Variants in FGF7 observed in about 807,000 individuals in gnomAD.
The protein encoded by FGF7 is FGF-7.
Under a neutral mutation model 20.5 loss-of-function variants are expected in FGF7, and 6 were observed. That is an observed-to-expected ratio of 0.29 (90% CI 0.16 to 0.58). The LOEUF (loss-of-function observed/expected upper bound fraction) is 0.58, where lower values mean the gene tolerates loss of function less well. Ranked by LOEUF, FGF7 falls within the 20% of genes least tolerant of loss-of-function variation. The pLI is 0.90. For missense variants in FGF7, 144 were observed against 228.8 expected (o/e 0.63, Z 2.39); for synonymous variants, 64 against 74.7 (o/e 0.86, Z 0.74).
At chr15:49,474,809 A>G (rs550627431) in intron 2 of FGF7, among the ~76,000 whole-genome samples, 6 of 152,248 alleles carry the variant, frequency 3.9e-5, no homozygotes, top group African/African-American at 1.4e-4. Context: ...CCAGGGATCT[A>G]GGTTGCGTGC....
intron 2 of FGF7, among the ~76,000 whole-genome samples, chr15:49,426,224 A>G (rs1398282583): frequency 6.6e-6 from 1 of 151,852 alleles, no homozygotes; most frequent in East Asian, 1.9e-4. Flanking sequence ...TTTCCATGAT[A>G]CTTTCCAGTT....
chr15:49,435,677 A>T (rs188875735), intron 2 of FGF7, among the ~76,000 whole-genome samples: 31 of 151,690 alleles, frequency 2.0e-4, no homozygotes, highest in Admixed American at 1.8e-3. Flanking sequence ...GATATTGAAT[A>T]ATAATAGATA....
chr15:49,447,046 A>G (rs1374181536), intron 2 of FGF7, among the ~76,000 whole-genome samples: 1 of 151,522 alleles, frequency 6.6e-6, no homozygotes, highest in Non-Finnish European at 1.5e-5. Flanking sequence ...GAATAAATGG[A>G]CTGTGATTCT....
intron 2 of FGF7, among the ~76,000 whole-genome samples, chr15:49,468,308 G>A (rs1370749924): frequency 6.6e-6 from 1 of 152,100 alleles, no homozygotes; most frequent in Non-Finnish European, 1.5e-5. Context: ...CTTGATACCA[G>A]CAATTATGCA....
At position 49,486,923 on chromosome 15, in the gene FGF7, A is replaced by AT. The variant is rs1286276889; in HGVS notation, c.*2421dup. On this transcript the variant is annotated 3_prime_UTR_variant, in exon 4 of 4. Coordinates refer to ENST00000267843, the MANE Select transcript of FGF7 (RefSeq NM_002009.4). ...CTCTTACTCATTTGTAGTCTAGGAA[A>AT]TTGAGATTTTGATACACCTAAGGTC... 2 of 151,968 alleles carry AT rather than the reference A, an allele frequency of 1.3e-5. No individual in the cohort carries two copies. Among genetic ancestry groups the AT allele is most frequent in the Non-Finnish European group, 2.9e-5 (2 of 67,916 alleles). The allele number at this position is 151,968 out of a possible 1,614,324, so 9.4% of individuals were successfully genotyped here.
intron 2 of FGF7, among the ~76,000 whole-genome samples, chr15:49,440,040 A>C (rs1222714067): frequency 6.6e-6 from 1 of 151,738 alleles, no homozygotes; most frequent in East Asian, 1.9e-4. Context: ...AGAAGCACTG[A>C]TCTAGTCTAT....
chr15:49,450,524 G>T (rs1391825102), intron 2 of FGF7, among the ~76,000 whole-genome samples: 3 of 152,056 alleles, frequency 2.0e-5, no homozygotes, highest in African/African-American at 7.2e-5. Context: ...AGCTCAATGT[G>T]TAAACTTTCT....
chr15:49,475,397 TC>T (rs1313182218), intron 2 of FGF7, among the ~76,000 whole-genome samples: 2 of 152,204 alleles, frequency 1.3e-5, no homozygotes, highest in Non-Finnish European at 2.9e-5. Context: ...ACCAGGGTAG[TC>T]CTTTGAAAAG....
intron 2 of FGF7, among the ~76,000 whole-genome samples, chr15:49,466,520 T>A (rs1170898807): frequency 5.9e-5 from 9 of 152,170 alleles, no homozygotes; most frequent in Admixed American, 5.9e-4. Flanking sequence ...TTTTGTTTGC[T>A]TTTGTTTTTA....
Position 49,472,007 on chromosome 15 carries a change from T to C in FGF7, c.287-11144T>C, listed in dbSNP as rs1299644234. 1.7e-4 allele frequency among the ~76,000 whole-genome samples: 17 copies of C among 100,734 alleles called. No individual in the cohort carries two copies. The Admixed American group carries it at 2.1e-3, about 12-fold the overall frequency. The allele number at this position is 100,734 out of a possible 152,430, so 66.1% of individuals were successfully genotyped here. On this transcript the variant is annotated intron_variant, in intron 2 of 3. Coordinates refer to ENST00000267843, the MANE Select transcript of FGF7 (RefSeq NM_002009.4). ...CATTTTTTCTTCTAGTTTTATCTCATGACTTTAGAAGTGAAAAAAAAAAAA... is the reference window on the plus strand; with the variant it reads ...CATTTTTTCTTCTAGTTTTATCTCACGACTTTAGAAGTGAAAAAAAAAAAA...
At chr15:49,450,746 T>G (rs1036414372) in intron 2 of FGF7, among the ~76,000 whole-genome samples, 2 of 151,814 alleles carry the variant, frequency 1.3e-5, no homozygotes, top group African/African-American at 4.8e-5. Flanking sequence ...TTAACAAAAC[T>G]AATAACACTG....
At chr15:49,465,538 G>A (rs1204681652) in intron 2 of FGF7, among the ~76,000 whole-genome samples, 1 of 152,022 alleles carries the variant, frequency 6.6e-6, no homozygotes, top group East Asian at 1.9e-4. Flanking sequence ...CATAATATGA[G>A]TGTTGCATGT....
chr15:49,474,058 CTTT>C (rs1473520258), intron 2 of FGF7, among the ~76,000 whole-genome samples: 1 of 151,954 alleles, frequency 6.6e-6, no homozygotes, highest in African/African-American at 2.4e-5. Context: ...GATAGGCGAA[CTTT>C]TTATTATATT....
At chr15:49,427,334 T>A (rs1852506455) in intron 2 of FGF7, among the ~76,000 whole-genome samples, 1 of 152,056 alleles carries the variant, frequency 6.6e-6, no homozygotes, top group Non-Finnish European at 1.5e-5. Context: ...AATGAAAGAA[T>A]GTTTCCTTCC....
At chr15:49,476,936 T>C (rs1416886351) in intron 2 of FGF7, among the ~76,000 whole-genome samples, 1 of 151,978 alleles carries the variant, frequency 6.6e-6, no homozygotes, top group African/African-American at 2.4e-5. Context: ...GGCGGGTGCC[T>C]GTAGTCCCAG....
rs868057318 is a variant in FGF7 at position 49,484,393 on chromosome 15, C to G, written c.474C>G (p.His158Gln). Residue 158 changes from histidine to glutamine, a missense_variant, in exon 4 of 4, where the codon CAC becomes CAG. His to Gln is a conservative substitution (Grantham distance 24). Coordinates refer to ENST00000267843, the MANE Select transcript of FGF7 (RefSeq NM_002009.4). The part of the protein sequence containing the change: ...YNTYASAKWT[H>Q]NGGEMFVALN... Reference sequence around the variant, plus strand: ...CATATGCATCAGCTAAATGGACACACAACGGAGGGGAAATGTTTGTTGCCT... The same window carrying G: ...CATATGCATCAGCTAAATGGACACAGAACGGAGGGGAAATGTTTGTTGCCT... 1 of 1,593,720 alleles carries G rather than the reference C, an allele frequency of 6.3e-7. No homozygotes were observed. Among genetic ancestry groups the G allele is most frequent in the Non-Finnish European group, 8.5e-7 (1 of 1,177,824 alleles).
chr15:49,459,931 T>G (rs1167637985), intron 2 of FGF7, among the ~76,000 whole-genome samples: 1 of 152,172 alleles, frequency 6.6e-6, no homozygotes, highest in Non-Finnish European at 1.5e-5. Flanking sequence ...TTAGAGACAT[T>G]TCTTTTCTTC....
chr15:49,449,643 T>C (rs755093362), intron 2 of FGF7, among the ~76,000 whole-genome samples: 34 of 152,026 alleles, frequency 2.2e-4, no homozygotes, highest in Non-Finnish European at 4.4e-4. Flanking sequence ...AAATATGCCA[T>C]ACTGTCGGCT....
rs942123420 is a variant in FGF7, at chr15:49,487,950, G to T, written c.*3446G>T. The stretch of plus-strand genomic sequence containing the variant: ...GTGAATGAGACACAAAAGATTATTT[G>T]CCTCCCATAATCCAACTTTACACAT... On this transcript the variant is annotated 3_prime_UTR_variant, in exon 4 of 4. Coordinates refer to ENST00000267843, the MANE Select transcript of FGF7 (RefSeq NM_002009.4). 14 of 151,878 alleles carry T rather than the reference G, an allele frequency of 9.2e-5. No homozygotes were observed. Among genetic ancestry groups the T allele is most frequent in the Non-Finnish European group, 1.9e-4 (13 of 67,920 alleles). The allele number at this position is 151,878 out of a possible 1,614,324, so 9.4% of individuals were successfully genotyped here. A position where few individuals can be genotyped will look rare whatever the true frequency, so the allele number is the denominator to read the frequency against.
Sources: allele counts gnomAD v4.1 joint callset (sites outside exome capture counted in the v4.1 genomes callset), GRCh38; gene constraint gnomAD v4.1.1; transcripts MANE v1.5; gene names NCBI Gene and HGNC (gene_info 2026-07-23, HGNC 2026-07-21).